GRM7: variants seen among roughly 807,000 people sequenced by gnomAD.
GRM7 encodes the protein glutamate metabotropic receptor 7.
A neutral mutation model predicts 84.5 loss-of-function variants in GRM7; 35 were observed. The observed-to-expected ratio is 0.41, with a 90% confidence interval of 0.32 to 0.55. GRM7 has a LOEUF of 0.55. Ranked by LOEUF, GRM7 falls within the 20% of genes least tolerant of loss-of-function variation. The probability of loss-of-function intolerance (pLI) is 0.19; values close to 1 mark genes in which losing one functional copy is unlikely to be tolerated. For missense variants in GRM7, 1,003 were observed against 1,194.6 expected, an observed-to-expected ratio of 0.84 and a Z score of 2.36; for synonymous variants, 487 against 455.1, an observed-to-expected ratio of 1.07 and a Z score of -0.89.
chr3:7,179,394 A>T (rs1311117480), intron 2 of GRM7, among the ~76,000 whole-genome samples: 1 of 152,260 alleles, frequency 6.6e-6, no homozygotes, highest in Non-Finnish European at 1.5e-5. Flanking sequence ...GTAAAGGAGA[A>T]CAACAGCCGG....
chr3:7,006,796 A>G (rs1304118351), intron 1 of GRM7, among the ~76,000 whole-genome samples: 2 of 152,244 alleles, frequency 1.3e-5, no homozygotes, highest in African/African-American at 4.8e-5. Context: ...ATCTTTAAGT[A>G]TTTCTAATGA....
At chr3:7,466,288 A>G (rs541913598) in intron 7 of GRM7, among the ~76,000 whole-genome samples, 1 of 152,262 alleles carries the variant, frequency 6.6e-6, no homozygotes, top group African/African-American at 2.4e-5. Flanking sequence ...GATATATGGC[A>G]TTTTAGGGCT....
At chr3:7,642,718 A>G (rs974423895) in intron 8 of GRM7, among the ~76,000 whole-genome samples, 2 of 152,200 alleles carry the variant, frequency 1.3e-5, no homozygotes, top group African/African-American at 2.4e-5. Context: ...GGAGAACTCA[A>G]ACAATCACGT....
intron 8 of GRM7, among the ~76,000 whole-genome samples, chr3:7,656,522 A>ATATATAT (rs1553632698): frequency 7.8e-6 from 1 of 128,606 alleles, no homozygotes; most frequent in Non-Finnish European, 1.7e-5. Flanking sequence ...AATAAAAAAA[A>ATATATAT]ATATATATAT....
intron 3 of GRM7, among the ~76,000 whole-genome samples, chr3:7,303,860 C>G (rs1700094142): frequency 6.6e-6 from 1 of 150,922 alleles, no homozygotes; most frequent in Non-Finnish European, 1.5e-5. Context: ...TTACCACTTC[C>G]TTTTTTCTGG....
intron 5 of GRM7, among the ~76,000 whole-genome samples, chr3:7,420,120 T>C (rs2124824751): frequency 6.6e-6 from 1 of 152,322 alleles, no homozygotes; most frequent in East Asian, 1.9e-4. Flanking sequence ...ACGCTGTTAA[T>C]GAATAAACCA....
chr3:7,547,428 G>A (rs993965835), intron 7 of GRM7, among the ~76,000 whole-genome samples: 2 of 151,870 alleles, frequency 1.3e-5, no homozygotes, highest in Admixed American at 1.3e-4. Flanking sequence ...GGATGGTCTC[G>A]ATCTCCTGAC....
chr3:7,390,024 A>C (rs1232160935), intron 4 of GRM7, among the ~76,000 whole-genome samples: 1 of 152,106 alleles, frequency 6.6e-6, no homozygotes, highest in African/African-American at 2.4e-5. Flanking sequence ...TAAGTTTCTT[A>C]AGCATCTCTT....
In GRM7 at chr3:7,183,010, T is replaced by C. The variant is rs147061016; in HGVS notation, c.736+36342T>C. On this transcript the variant is annotated intron_variant, in intron 2 of 9. Transcript: ENST00000357716. ...CACAGCATGGTGAGTACAGATAGAA[T>C]AGCATAGTGGGGGTGGCTTTTAAAC... is the stretch of plus-strand genomic sequence containing the variant. Among the ~76,000 whole-genome samples the C allele has an allele frequency of 6.6e-4, 98 of 149,110 alleles. 1 individual carries two copies. In the East Asian group the frequency reaches 0.019, roughly 29 times the overall value.
intron 1 of GRM7, among the ~76,000 whole-genome samples, chr3:7,016,646 C>T (rs772190327): frequency 1.6e-4 from 25 of 151,980 alleles, no homozygotes; most frequent in Non-Finnish European, 2.6e-4. Context: ...AACAGTTGGG[C>T]CAGTTTTAAA....
chr3:7,709,139 C>T (rs1481387901), intron 9 of GRM7, among the ~76,000 whole-genome samples: 5 of 152,154 alleles, frequency 3.3e-5, no homozygotes, highest in East Asian at 3.9e-4. Context: ...CTTCAGCAAG[C>T]GGTCCCTAAG....
At chr3:7,456,296 G>C (rs1698005870) in intron 6 of GRM7, among the ~76,000 whole-genome samples, 3 of 151,874 alleles carry the variant, frequency 2.0e-5, no homozygotes, top group Admixed American at 2.0e-4. Context: ...TTGTCTAGAT[G>C]GTCTTGTCTG....
intron 5 of GRM7, among the ~76,000 whole-genome samples, chr3:7,448,850 ATTGTCT>A (rs1179397604): frequency 6.6e-6 from 1 of 152,008 alleles, no homozygotes; most frequent in Non-Finnish European, 1.5e-5. Flanking sequence ...CTCCAGGATG[ATTGTCT>A]TTATTAGTGT....
intron 4 of GRM7, among the ~76,000 whole-genome samples, chr3:7,409,932 T>C (rs868352233): frequency 5.3e-5 from 8 of 152,144 alleles, no homozygotes; most frequent in African/African-American, 1.9e-4. Context: ...TTTTCAAGGA[T>C]ATATTCTTAG....
At chr3:7,684,065 C>T (rs907720087) in intron 9 of GRM7, among the ~76,000 whole-genome samples, 6 of 151,868 alleles carry the variant, frequency 4.0e-5, no homozygotes, top group South Asian at 2.1e-4. Context: ...AAAACCAGTC[C>T]GCAGCAATGC....
intron 1 of GRM7, among the ~76,000 whole-genome samples, chr3:7,073,295 C>T (rs1046470585): frequency 6.6e-6 from 1 of 151,850 alleles, no homozygotes; most frequent in African/African-American, 2.4e-5. Flanking sequence ...CCTCTTTGTG[C>T]CACACCTGTT....
chr3:6,989,093 A>G (rs192985354), intron 1 of GRM7, among the ~76,000 whole-genome samples: 1 of 152,362 alleles, frequency 6.6e-6, no homozygotes, highest in Non-Finnish European at 1.5e-5. Context: ...GGTGAGCAGG[A>G]TATATCACAT....
intron 2 of GRM7, among the ~76,000 whole-genome samples, chr3:7,168,587 A>C (rs1486848330): frequency 6.6e-6 from 1 of 152,128 alleles, no homozygotes; most frequent in East Asian, 1.9e-4. Context: ...ATGAGAAATA[A>C]ATGTTTGTTG....
chr3:7,643,037 G>C (rs1396135904), intron 8 of GRM7, among the ~76,000 whole-genome samples: 1 of 152,102 alleles, frequency 6.6e-6, no homozygotes, highest in South Asian at 2.1e-4. Context: ...CCTTAAGACG[G>C]GGCTTTTTGC....
Sources: gnomAD v4.1 joint callset for allele counts (sites outside exome capture counted in the v4.1 genomes callset) on GRCh38, gnomAD v4.1.1 for gene constraint, MANE v1.5 for transcripts, NCBI Gene and HGNC (gene_info 2026-07-23, HGNC 2026-07-21) for gene names.